PECAM1: variants seen among roughly 807,000 people sequenced by gnomAD.
PECAM1 encodes the protein platelet and endothelial cell adhesion molecule 1.
In PECAM1, 8 loss-of-function variants were observed where a neutral mutation model predicts 13.8. The observed-to-expected ratio is 0.58, with a 90% CI of 0.34 to 1.05. PECAM1 has a LOEUF of 1.05. Among genes scored for constraint, PECAM1 ranks in the 50% least tolerant of loss-of-function variants. PECAM1 has a pLI of 0.03. For missense variants in PECAM1, 304 were observed against 141.2 expected, an observed-to-expected ratio of 2.15 and a Z score of -5.84; for synonymous variants, 136 against 52.6, an observed-to-expected ratio of 2.58 and a Z score of -6.86.
chr17:64,357,196 C>T (rs2143798067), intron 7 of PECAM1, among the ~76,000 whole-genome samples: 1 of 152,226 alleles, frequency 6.6e-6, no homozygotes, highest in Non-Finnish European at 1.5e-5. Context: ...TTTGTTTTCC[C>T]CGGAAGTATG....
chr17:64,323,005 C>G lies in PECAM1; in HGVS notation c.*811G>C. 2 of 976,638 alleles carry G rather than the reference C, an allele frequency of 2.0e-6. No homozygotes were observed. The highest frequency in any genetic ancestry group is 2.4e-6 in the Non-Finnish European group (2 of 821,874). 60.5% of individuals were successfully genotyped at this position (976,638 alleles called of 1,614,324 possible). A position where few individuals can be genotyped will look rare whatever the true frequency, so the allele number is the denominator to read the frequency against. On this transcript the variant is annotated 3_prime_UTR_variant, in exon 16 of 16. Transcript: ENST00000563924. ...TACAGGCGTGAGCCACCTTGCCTGCCCTGGCAAGGAATACATTTTTAAAAA... is the reference window on the plus strand; with the variant it reads ...TACAGGCGTGAGCCACCTTGCCTGCGCTGGCAAGGAATACATTTTTAAAAA...
At chr17:64,332,492 CAG>C (rs1156840393) in intron 14 of PECAM1, among the ~76,000 whole-genome samples, 2 of 152,296 alleles carry the variant, frequency 1.3e-5, no homozygotes, top group East Asian at 3.9e-4. Flanking sequence ...TTTTTGGTAA[CAG>C]AGCAATCATC....
chr17:64,341,776 T>C, intron 13 of PECAM1, 86 bp from the exon 14 acceptor site: 1 of 409,896 alleles, frequency 2.4e-6, no homozygotes, highest in East Asian at 3.6e-5. Flanking sequence ...TCTGAGGCTC[T>C]GCAGGCAAGG....
At chr17:64,324,940 C>T (rs2034904285) in intron 15 of PECAM1, among the ~76,000 whole-genome samples, 1 of 152,140 alleles carries the variant, frequency 6.6e-6, no homozygotes, top group Admixed American at 6.6e-5. Flanking sequence ...ATGGAGTAGC[C>T]ATTCTTTTGT....
Position 64,319,589 on chromosome 17 carries a change from C to G in PECAM1, c.*4227G>C, listed in dbSNP as rs1459919458. On this transcript the variant is annotated 3_prime_UTR_variant, in exon 16 of 16. Coordinates refer to ENST00000563924, the MANE Select transcript of PECAM1 (RefSeq NM_000442.5). ...GATTTACGTCTCATCTCCCCTGATTCTTCCCTTGCAGCAGGCTGTCCGCGT... is the reference window on the plus strand; with the variant it reads ...GATTTACGTCTCATCTCCCCTGATTGTTCCCTTGCAGCAGGCTGTCCGCGT... 1.3e-5 allele frequency: 2 copies of G among 152,200 alleles called. No homozygotes were observed. The highest frequency in any genetic ancestry group is 1.9e-4 in the East Asian group (1 of 5,182). 9.4% of individuals were successfully genotyped at this position (152,200 alleles called of 1,614,324 possible).
intron 14 of PECAM1, among the ~76,000 whole-genome samples, chr17:64,332,815 C>T (rs1476757605): frequency 6.6e-6 from 1 of 152,206 alleles, no homozygotes; most frequent in Non-Finnish European, 1.5e-5. Context: ...GGGTTTCTGC[C>T]TCCCTAAGAA....
intron 2 of PECAM1, among the ~76,000 whole-genome samples, chr17:64,381,867 G>A (rs1333544266): frequency 6.6e-6 from 1 of 152,144 alleles, no homozygotes; most frequent in Non-Finnish European, 1.5e-5. Context: ...TTGGGAGGCC[G>A]AGGCGGGTGG....
intron 5 of PECAM1, among the ~76,000 whole-genome samples, chr17:64,364,807 T>C (rs1389420371): frequency 1.3e-5 from 2 of 151,998 alleles, no homozygotes; most frequent in Non-Finnish European, 2.9e-5. Context: ...AATTAGGTAT[T>C]GATGGGACGT....
intron 14 of PECAM1, among the ~76,000 whole-genome samples, chr17:64,334,796 T>C (rs907245883): frequency 3.8e-4 from 58 of 152,184 alleles, no homozygotes; most frequent in Non-Finnish European, 5.0e-4. Context: ...CGTGAGCCAC[T>C]GCGCACGGCC....
At chr17:64,374,281 G>A (rs2036307628) in intron 4 of PECAM1, among the ~76,000 whole-genome samples, 1 of 152,136 alleles carries the variant, frequency 6.6e-6, no homozygotes, top group Admixed American at 6.6e-5. Flanking sequence ...TCTGAGGTTA[G>A]GAGTTTGAGA....
At chr17:64,347,664 C>T (rs1598016215) in intron 13 of PECAM1, among the ~76,000 whole-genome samples, 2 of 72,336 alleles carry the variant, frequency 2.8e-5, no homozygotes, top group African/African-American at 3.8e-5. Context: ...ATATATTATA[C>T]ACAAAGAAAA....
chr17:64,327,820 G>A (rs538601966), intron 15 of PECAM1, among the ~76,000 whole-genome samples: 3 of 152,252 alleles, frequency 2.0e-5, no homozygotes, highest in African/African-American at 7.2e-5. Flanking sequence ...GTTTTCAGAG[G>A]CAACGGCCAT....
intron 2 of PECAM1, among the ~76,000 whole-genome samples, chr17:64,386,602 C>T (rs1368807801): frequency 6.6e-6 from 1 of 151,708 alleles, no homozygotes; most frequent in African/African-American, 2.4e-5. Context: ...GATTAGATTC[C>T]CAGGAGGATG....
chr17:64,341,194 G>C (rs1425559155), intron 14 of PECAM1, among the ~76,000 whole-genome samples: 4 of 151,822 alleles, frequency 2.6e-5, no homozygotes, highest in African/African-American at 9.7e-5. Flanking sequence ...AATCCGGGAA[G>C]TGGAGGTTGC....
At chr17:64,374,648 G>T (rs1256001557) in intron 4 of PECAM1, among the ~76,000 whole-genome samples, 1 of 152,000 alleles carries the variant, frequency 6.6e-6, no homozygotes, top group Non-Finnish European at 1.5e-5. Context: ...GTCAGGTGTG[G>T]TGCTGCATGC....
At chr17:64,358,399 G>A (rs978659406) in intron 7 of PECAM1, among the ~76,000 whole-genome samples, 2 of 152,132 alleles carry the variant, frequency 1.3e-5, no homozygotes, top group African/African-American at 4.8e-5. Flanking sequence ...GATTATAGGC[G>A]TGAGCCACCG....
At chr17:64,340,607 A>AC (rs1258041614) in intron 14 of PECAM1, among the ~76,000 whole-genome samples, 9 of 150,062 alleles carry the variant, frequency 6.0e-5, no homozygotes, top group South Asian at 2.1e-4. Flanking sequence ...CAGTTATTAT[A>AC]CCCCCCCACC....
At chr17:64,387,299 G>T (rs988668987) in intron 2 of PECAM1, among the ~76,000 whole-genome samples, 2 of 152,154 alleles carry the variant, frequency 1.3e-5, no homozygotes, top group African/African-American at 4.8e-5. Context: ...GGGGCCTGAG[G>T]CCAGGCTGCT....
chr17:64,323,728 A>C lies in PECAM1; in HGVS notation c.*88T>G, dbSNP rs1032406456. The C allele has an allele frequency of 3.5e-6, 5 of 1,449,182 alleles. No individual in the cohort carries two copies. The highest frequency in any genetic ancestry group is 4.8e-6 in the Non-Finnish European group (5 of 1,037,610). The allele number at this position is 1,449,182 out of a possible 1,614,324, so 89.8% of individuals were successfully genotyped here. A position where few individuals can be genotyped will look rare whatever the true frequency, so the allele number is the denominator to read the frequency against. On this transcript the variant is annotated 3_prime_UTR_variant, in exon 16 of 16. Coordinates refer to ENST00000563924, the MANE Select transcript of PECAM1 (RefSeq NM_000442.5). ...GTGGGAGCAGGGCAGGTTCATAAAT[A>C]AGTGCACAGAGGTCTTGAAATACAG... is the stretch of plus-strand genomic sequence containing the variant.
Sources: allele counts gnomAD v4.1 joint callset (sites outside exome capture counted in the v4.1 genomes callset), GRCh38; gene constraint gnomAD v4.1.1; transcripts MANE v1.5; gene names NCBI Gene and HGNC (gene_info 2026-07-23, HGNC 2026-07-21).